Variants in THOC5 observed in about 807,000 individuals in gnomAD.
The protein encoded by THOC5 is THO complex subunit 5.
Under a neutral mutation model 92.9 loss-of-function variants are expected in THOC5, and 43 were observed. The ratio of observed to expected loss-of-function variants is 0.46; its 90% CI spans 0.36 to 0.60. The LOEUF is 0.60. Among genes scored for constraint, THOC5 ranks in the 20% least tolerant of loss-of-function variants. The probability of loss-of-function intolerance (pLI) is 0.00; values close to 1 mark genes in which losing one functional copy is unlikely to be tolerated. For missense variants in THOC5, 659 were observed against 849.4 expected (o/e 0.78, Z 2.79); for synonymous variants, 296 against 320.1 (o/e 0.92, Z 0.80).
At chr22:29,509,275 CA>C (rs59981269) in intron 19 of THOC5, among the ~76,000 whole-genome samples, 439 of 70,884 alleles carry the variant, frequency 6.2e-3, no homozygotes, top group African/African-American at 0.015. Context: ...GACTCTGTCT[CA>C]AAAAAAAAAA....
intron 15 of THOC5, 43 bp from the exon 16 acceptor site, chr22:29,517,409 G>A (rs1370447217): frequency 1.9e-6 from 3 of 1,573,086 alleles, no homozygotes; most frequent in Non-Finnish European, 2.6e-6. Flanking sequence ...TAGAAATCAG[G>A]TGCCACAGAT....
At chr22:29,547,135 C>G (rs898562702) in intron 2 of THOC5, among the ~76,000 whole-genome samples, 6 of 152,044 alleles carry the variant, frequency 3.9e-5, no homozygotes, top group Admixed American at 2.0e-4. Flanking sequence ...TGAGCCACTG[C>G]ACATGGCCCT....
At chr22:29,550,330 C>A (rs2064116410) in intron 1 of THOC5, among the ~76,000 whole-genome samples, 1 of 151,698 alleles carries the variant, frequency 6.6e-6, no homozygotes, top group Non-Finnish European at 1.5e-5. Context: ...CACTTTTATG[C>A]CTCCTAGTCC....
At chr22:29,552,019 G>A (rs1282513537) in intron 1 of THOC5, among the ~76,000 whole-genome samples, 4 of 152,186 alleles carry the variant, frequency 2.6e-5, no homozygotes, top group Non-Finnish European at 4.4e-5. Context: ...GCTCCTGACC[G>A]CGAGTGATCG....
At chr22:29,543,347 CA>C (rs59948387) in intron 4 of THOC5, 81 bp downstream of exon 4, 79,871 of 459,866 alleles carry the variant, frequency 0.17, 262 homozygotes, top group East Asian at 0.23. Context: ...GACTCTGTCT[CA>C]AAAAAAAAAA....
intron 13 of THOC5, 141 bp downstream of exon 13, chr22:29,520,857 A>T (rs919915910): frequency 4.4e-6 from 3 of 685,458 alleles, no homozygotes; most frequent in Non-Finnish European, 7.8e-6. Context: ...TAAGCAAGAA[A>T]GAACAAACAT....
At chr22:29,539,250 A>C in intron 6 of THOC5, 80 bp downstream of exon 6, 1 of 1,440,086 alleles carries the variant, frequency 6.9e-7, no homozygotes, top group South Asian at 1.3e-5. Context: ...AGAGTTGCAC[A>C]GTGTTTTGCT....
At chr22:29,536,808 C>CA (rs2063769831) in intron 6 of THOC5, 70 bp from the exon 7 acceptor site, 9 of 840,972 alleles carry the variant, frequency 1.1e-5, no homozygotes, top group African/African-American at 3.3e-5. Flanking sequence ...TGTTCACTGT[C>CA]AGACTCCACC....
chr22:29,531,027 T>C (rs1242347925), intron 8 of THOC5: 1 of 1,036,112 alleles, frequency 9.7e-7, no homozygotes, highest in Non-Finnish European at 1.2e-6. Context: ...TACAAGAACA[T>C]CAGAATGGAA....
chr22:29,550,325 T>G (rs1262875995), intron 1 of THOC5, among the ~76,000 whole-genome samples: 1 of 151,734 alleles, frequency 6.6e-6, no homozygotes, highest in African/African-American at 2.4e-5. Flanking sequence ...AACTACACTT[T>G]TATGCCTCCT....
intron 8 of THOC5, among the ~76,000 whole-genome samples, chr22:29,529,877 C>T (rs2063617855): frequency 6.6e-6 from 1 of 152,234 alleles, no homozygotes; most frequent in Non-Finnish European, 1.5e-5. Context: ...TGCAGTGGCT[C>T]ACACCTGTAA....
rs568566991 is a variant in THOC5, at chr22:29,529,483, ACTAG to A, written c.848-248_848-245del. On this transcript the variant is annotated intron_variant, in intron 8 of 19. Coordinates refer to ENST00000490103, the MANE Select transcript of THOC5 (RefSeq NM_003678.5). Reference sequence around the variant, plus strand: ...AATTCCTAAACCAGCATCACCTGAAACTAGCAGTGAATGCCTCTCTTTTTTGGTG... The same window carrying A: ...AATTCCTAAACCAGCATCACCTGAAACAGTGAATGCCTCTCTTTTTTGGTG... Among the ~76,000 whole-genome samples the A allele has an allele frequency of 4.6e-5, 7 of 152,352 alleles. No individual in the cohort carries two copies. The South Asian group carries it at 6.2e-4, about 14-fold the overall frequency.
intron 2 of THOC5, among the ~76,000 whole-genome samples, chr22:29,548,016 A>G (rs2064061017): frequency 6.6e-6 from 1 of 152,162 alleles, no homozygotes; most frequent in East Asian, 1.9e-4. Context: ...ATGAGGAGGA[A>G]GCAAAAGCAG....
In THOC5 at chr22:29,517,086, C is replaced by A; in HGVS notation, c.1624G>T (p.Ala542Ser). The change falls in exon 17 of 20, where the codon GCG (alanine) becomes TCG (serine). Residue 542 changes from alanine to serine, a missense_variant. Transcript: ENST00000490103. ...AGATTGGTGTCCCCAGCCAGTCCCG[C>A]ATCCACAATGTCTTTGGTGAAGTGC... is the stretch of plus-strand genomic sequence containing the variant. Reference protein sequence around the residue: ...ELHFTKDIVDAGLAGDTNLYY... With the variant: ...ELHFTKDIVDSGLAGDTNLYY... 2 of 1,614,182 alleles carry A rather than the reference C, an allele frequency of 1.2e-6. No homozygotes were observed. Among genetic ancestry groups the A allele is most frequent in the East Asian group, 2.2e-5 (1 of 44,878 alleles).
rs80145789 is a variant in THOC5 at position 29,525,759 on chromosome 22, G to C, written c.1175+79C>G. Reference sequence around the variant, plus strand: ...TAGCCCTCTCCAGAGCCAGAGGGAGGAACCGAGAGCAGCCCCACAATGAGG... The same window carrying C: ...TAGCCCTCTCCAGAGCCAGAGGGAGCAACCGAGAGCAGCCCCACAATGAGG... On this transcript the variant is annotated intron_variant, in intron 12 of 19. Transcript: ENST00000490103. 5.4e-4 allele frequency: 628 copies of C among 1,166,736 alleles called. 4 individuals carry two copies. The African/African-American group carries it at 8.6e-3, about 16-fold the overall frequency. The allele number at this position is 1,166,736 out of a possible 1,614,324, so 72.3% of individuals were successfully genotyped here. A position where few individuals can be genotyped will look rare whatever the true frequency, so the allele number is the denominator to read the frequency against.
chr22:29,521,446 G>A (rs2063439477), intron 12 of THOC5, among the ~76,000 whole-genome samples: 1 of 152,158 alleles, frequency 6.6e-6, no homozygotes, highest in Non-Finnish European at 1.5e-5. Context: ...ATCCCTTCAA[G>A]ATTTATATGG....
chr22:29,541,873 A>AT (rs1569230779), intron 5 of THOC5, among the ~76,000 whole-genome samples: 1 of 61,384 alleles, frequency 1.6e-5, no homozygotes, highest in Non-Finnish European at 3.7e-5. Context: ...AAAAAAAAAA[A>AT]AAAAAAAAAA....
intron 2 of THOC5, among the ~76,000 whole-genome samples, chr22:29,548,727 C>T (rs910278765): frequency 1.3e-5 from 2 of 152,158 alleles, no homozygotes; most frequent in African/African-American, 4.8e-5. Context: ...CGAGGGATTC[C>T]TGAAGCTCCA....
chr22:29,532,479 C>T (rs2063675101), intron 7 of THOC5, among the ~76,000 whole-genome samples: 1 of 151,240 alleles, frequency 6.6e-6, no homozygotes, highest in Admixed American at 6.6e-5. Flanking sequence ...GCCTGACGGA[C>T]ACAGAGAACC....
Sources: allele counts gnomAD v4.1 joint callset (sites outside exome capture counted in the v4.1 genomes callset), GRCh38; gene constraint gnomAD v4.1.1; transcripts MANE v1.5; gene names NCBI Gene and HGNC (gene_info 2026-07-23, HGNC 2026-07-21).